ZNF423: variants seen among roughly 807,000 people sequenced by gnomAD.
The protein encoded by ZNF423 is Ebf-associated zinc finger protein.
In ZNF423, 12 loss-of-function variants were observed where a neutral mutation model predicts 95.8. That is an observed-to-expected ratio of 0.13 (90% CI 0.08 to 0.20). The LOEUF is 0.20. Ranked by LOEUF, ZNF423 falls within the 10% of genes least tolerant of loss-of-function variation. ZNF423 has a pLI of 1.00. For missense variants in ZNF423, 1,316 were observed against 1,737.1 expected (o/e 0.76, Z 4.31); for synonymous variants, 749 against 711.9 (o/e 1.05, Z -0.83).
chr16:49,731,350 C>T (rs2033163755), intron 2 of ZNF423: 1 of 985,384 alleles, frequency 1.0e-6, no homozygotes, highest in African/African-American at 1.7e-5. Context: ...TTTAGTTTTC[C>T]CCACAGCCTT....
At chr16:49,754,806 A>G (rs2033695357) in intron 2 of ZNF423, among the ~76,000 whole-genome samples, 2 of 152,096 alleles carry the variant, frequency 1.3e-5, no homozygotes, top group Non-Finnish European at 2.9e-5. Flanking sequence ...GAAAGAAAAA[A>G]CTTTTTTTGC....
intron 1 of ZNF423, among the ~76,000 whole-genome samples, chr16:49,799,200 C>T (rs2034544042): frequency 6.6e-6 from 1 of 152,266 alleles, no homozygotes; most frequent in East Asian, 1.9e-4. Context: ...ATACCAACCT[C>T]GCAGGAGGTT....
At chr16:49,591,472 C>T (rs893912741) in intron 5 of ZNF423, among the ~76,000 whole-genome samples, 1 of 151,688 alleles carries the variant, frequency 6.6e-6, no homozygotes, top group African/African-American at 2.4e-5. Flanking sequence ...GAAACCAAAC[C>T]AAGTATGCTA....
intron 5 of ZNF423, among the ~76,000 whole-genome samples, chr16:49,605,204 C>T (rs910061990): frequency 4.6e-5 from 7 of 152,156 alleles, no homozygotes; most frequent in African/African-American, 1.7e-4. Flanking sequence ...CCCAGACTTC[C>T]CTGGAGATAC....
chr16:49,544,813 C>T (rs982679303), intron 5 of ZNF423, among the ~76,000 whole-genome samples: 4 of 152,242 alleles, frequency 2.6e-5, no homozygotes, highest in African/African-American at 9.6e-5. Context: ...GACATCAAGA[C>T]GTAACTCCAG....
intron 7 of ZNF423, among the ~76,000 whole-genome samples, chr16:49,502,856 T>G (rs1967469272): frequency 1.3e-5 from 1 of 74,876 alleles, no homozygotes; most frequent in African/African-American, 5.4e-5. Context: ...CACACACGGA[T>G]ACCCCCCAAT....
intron 1 of ZNF423, chr16:49,854,446 G>A (rs909196558): frequency 8.1e-6 from 8 of 985,338 alleles, no homozygotes; most frequent in Admixed American, 6.1e-5. Flanking sequence ...AGGGAGCGGG[G>A]CCCCAGCGCC....
chr16:49,769,691 C>T (rs918721792), intron 2 of ZNF423, among the ~76,000 whole-genome samples: 26 of 152,034 alleles, frequency 1.7e-4, no homozygotes, highest in African/African-American at 6.0e-4. Flanking sequence ...ACCTCACCTC[C>T]TTCCTTTCTG....
intron 5 of ZNF423, among the ~76,000 whole-genome samples, chr16:49,571,921 A>G (rs1271514428): frequency 6.6e-6 from 1 of 152,224 alleles, no homozygotes; most frequent in African/African-American, 2.4e-5. Flanking sequence ...TGAAATTACA[A>G]ACATTAAAGG....
At chr16:49,859,146 A>AGG (rs1202105989), upstream of ZNF423, among the ~76,000 whole-genome samples, 1 of 151,090 alleles carries the variant, frequency 6.6e-6, no homozygotes, top group African/African-American at 2.4e-5. Context: ...GTCGGGGGAG[A>AGG]GGGGTGGTTG....
In ZNF423 at chr16:49,770,894, G is replaced by A. The variant is rs139943035; in HGVS notation, c.100+18593C>T. Among the ~76,000 whole-genome samples the A allele has an allele frequency of 8.5e-5, 13 of 152,298 alleles. No homozygotes were observed. The East Asian group carries it at 2.3e-3, about 27-fold the overall frequency. ...CTGAATCCAGCCAGCCACCCCACAG[G>A]AGCCTCCCCACGGCAGCAGGAGGCC... On this transcript the variant is annotated intron_variant, in intron 2 of 7. Transcript: ENST00000563137.
At chr16:49,733,143 T>C (rs1036833798) in intron 2 of ZNF423, among the ~76,000 whole-genome samples, 8 of 152,034 alleles carry the variant, frequency 5.3e-5, no homozygotes, top group Non-Finnish European at 8.8e-5. Context: ...ATATTGTAAG[T>C]CATCATACAA....
chr16:49,607,635 T>C (rs1368120654), intron 5 of ZNF423, among the ~76,000 whole-genome samples: 2 of 152,270 alleles, frequency 1.3e-5, no homozygotes, highest in Middle Eastern at 3.2e-3. Flanking sequence ...AGGATCATTC[T>C]GTATCTTAAT....
At chr16:49,612,890 G>C (rs562868403) in intron 5 of ZNF423, among the ~76,000 whole-genome samples, 10 of 150,812 alleles carry the variant, frequency 6.6e-5, no homozygotes, top group African/African-American at 2.0e-4. Context: ...ATAAACACAT[G>C]AACACTGAAA....
chr16:49,712,665 C>T (rs930449750), intron 3 of ZNF423, among the ~76,000 whole-genome samples: 3 of 152,260 alleles, frequency 2.0e-5, no homozygotes, highest in East Asian at 1.9e-4. Context: ...GGCCTGCAGC[C>T]GCCACATCAC....
chr16:49,691,366 A>G (rs931957598), intron 3 of ZNF423, among the ~76,000 whole-genome samples: 10 of 152,324 alleles, frequency 6.6e-5, no homozygotes, highest in African/African-American at 2.4e-4. Flanking sequence ...TCCAAGCTCC[A>G]ACACATCCTG....
intron 3 of ZNF423, among the ~76,000 whole-genome samples, chr16:49,640,204 G>T (rs1379854522): frequency 1.3e-5 from 2 of 152,156 alleles, no homozygotes. Context: ...CCCAGAGGCA[G>T]CCCAGACCTT....
At position 49,789,429 on chromosome 16, in the gene ZNF423, T is replaced by C. The variant is rs780091554; in HGVS notation, c.100+58A>G. The C allele has an allele frequency of 5.5e-5, 85 of 1,548,230 alleles. 1 individual carries two copies. Among genetic ancestry groups the C allele is most frequent in the South Asian group, 8.3e-5 (7 of 84,078 alleles). ...ATAACCAGCTGGGTGGCTTTCTGAGTTCCTGGGCCAGCCCCCAGGACCCCC... is the reference window on the plus strand; with the variant it reads ...ATAACCAGCTGGGTGGCTTTCTGAGCTCCTGGGCCAGCCCCCAGGACCCCC... On this transcript the variant is annotated intron_variant, in intron 2 of 7. Coordinates refer to ENST00000563137, the MANE Select transcript of ZNF423 (RefSeq NM_001379286.1).
chr16:49,757,994 C>T (rs959474807), intron 2 of ZNF423, among the ~76,000 whole-genome samples: 3 of 152,162 alleles, frequency 2.0e-5, no homozygotes, highest in African/African-American at 7.2e-5. Context: ...GTAAAACATC[C>T]CTGGCATCTC....
Sources: allele counts gnomAD v4.1 joint callset (sites outside exome capture counted in the v4.1 genomes callset), GRCh38; gene constraint gnomAD v4.1.1; transcripts MANE v1.5; gene names NCBI Gene and HGNC (gene_info 2026-07-23, HGNC 2026-07-21).